The following TMPRSS9 variants were observed in gnomAD, a reference collection of about 807,000 sequenced individuals.
TMPRSS9 encodes transmembrane serine protease 9, also known as transmembrane protease serine 9.
TMPRSS9 carries 113 observed loss-of-function variants against 111.4 expected under a neutral mutation model. The ratio of observed to expected loss-of-function variants is 1.01; its 90% CI spans 0.87 to 1.19. The LOEUF (loss-of-function observed/expected upper bound fraction) is 1.19, where lower values mean the gene tolerates loss of function less well. Ranked by LOEUF, TMPRSS9 falls within the 50% of genes most tolerant of loss-of-function variation. The pLI is 0.00. For missense variants in TMPRSS9, 1,803 were observed against 1,513.1 expected (o/e 1.19, Z -3.18); for synonymous variants, 805 against 659.1 (o/e 1.22, Z -3.39).
chr19:2,409,332 C>CA (rs1262744212), intron 8 of TMPRSS9, among the ~76,000 whole-genome samples: 1 of 151,714 alleles, frequency 6.6e-6, no homozygotes, highest in African/African-American at 2.4e-5. Context: ...TTAGTAGAGA[C>CA]AAAGTTTCAC....
intron 1 of TMPRSS9, among the ~76,000 whole-genome samples, chr19:2,379,781 T>C (rs976309344): frequency 2.7e-5 from 4 of 150,882 alleles, no homozygotes; most frequent in Non-Finnish European, 5.9e-5. Context: ...CTTTCTCTCT[T>C]TCTTTCTTTT....
At chr19:2,405,506 A>G (rs202039815) in exon 7 of TMPRSS9, 1 of 1,600,588 alleles carries the variant, frequency 6.2e-7, no homozygotes, top group East Asian at 2.3e-5. Context: ...GCCATCATCA[A>G]CGCCAGGTGG....
chr19:2,418,317 C>CCTTTTCCTTT lies in TMPRSS9; in HGVS notation c.2154+180_2154+181insTTTTCCTTTC, dbSNP rs1491240884. ...TTTCCTTCCCTCCCTTTCCCTCCCT[C>CCTTTTCCTTT]CCTCCCTCCCTCCCTTTCCTTCCCT... On this transcript the variant is annotated intron_variant, in intron 13 of 17. Coordinates refer to ENST00000648592, the Ensembl canonical transcript of TMPRSS9. 1.2e-3 allele frequency among the ~76,000 whole-genome samples: 47 copies of CCTTTTCCTTT among 40,002 alleles called. 4 individuals are homozygous for CCTTTTCCTTT. Among genetic ancestry groups the CCTTTTCCTTT allele is most frequent in the South Asian group, 4.3e-3 (4 of 922 alleles). The allele number at this position is 40,002 out of a possible 152,430, so 26.2% of individuals were successfully genotyped here.
At chr19:2,408,166 G>C (rs947319519) in intron 7 of TMPRSS9, among the ~76,000 whole-genome samples, 190 bp from the exon 9 acceptor site, 1 of 151,970 alleles carries the variant, frequency 6.6e-6, no homozygotes, top group Non-Finnish European at 1.5e-5. Context: ...TGATCCTCCC[G>C]CTTCAGCCTC....
At chr19:2,405,471 G>T in exon 7 of TMPRSS9, 2 of 1,608,662 alleles carry the variant, frequency 1.2e-6, no homozygotes, top group South Asian at 2.2e-5. Context: ...GCCTTCGAGA[G>T]AACAAGGAGC....
Position 2,415,787 on chromosome 19 carries a change from G to T in TMPRSS9, c.1691G>T (p.Gly564Val). ...AAGGAAGGGTCCCGGCACTTCTGCG[G>T]AGCAACTGTGGTGGGGGACCGCTGG... Residue 564 changes from glycine to valine, a missense_variant, in exon 11 of 18, where the codon GGA becomes GTA. Coordinates refer to ENST00000648592, the Ensembl canonical transcript of TMPRSS9. 6.2e-7 allele frequency: 1 copy of T among 1,608,468 alleles called. No individual in the cohort carries two copies. Among genetic ancestry groups the T allele is most frequent in the Non-Finnish European group, 8.5e-7 (1 of 1,177,260 alleles).
At chr19:2,405,706 CTTTTTT>C (rs10608410) in intron 7 of TMPRSS9, among the ~76,000 whole-genome samples, 161 bp downstream of exon 8, 1 of 135,846 alleles carries the variant, frequency 7.4e-6, no homozygotes. Flanking sequence ...TGAGGGCATT[CTTTTTT>C]TTTTTTTTTT....
chr19:2,414,979 CTT>C (rs1390161442), intron 10 of TMPRSS9, among the ~76,000 whole-genome samples: 14 of 134,920 alleles, frequency 1.0e-4, no homozygotes, highest in African/African-American at 2.5e-4. Context: ...GAGTTTCACT[CTT>C]GTCGCCCAGG....
chr19:2,363,419 A>T (rs1020310082), intron 1 of TMPRSS9, among the ~76,000 whole-genome samples: 2 of 149,092 alleles, frequency 1.3e-5, no homozygotes, highest in Non-Finnish European at 3.0e-5. Flanking sequence ...GGCATGGTAG[A>T]TGGATCGCAG....
chr19:2,394,873 G>A (rs779777113), intron 1 of TMPRSS9, among the ~76,000 whole-genome samples: 12 of 152,218 alleles, frequency 7.9e-5, no homozygotes, highest in African/African-American at 2.4e-4. Flanking sequence ...GGTTGCTCTC[G>A]TAGTTTTTAT....
In TMPRSS9 at chr19:2,396,576, G is replaced by A. The variant is rs1485913093; in HGVS notation, c.180G>A (p.Thr60=). 11 of 1,611,000 alleles carry A rather than the reference G, an allele frequency of 6.8e-6. No homozygotes were observed. In the Admixed American group the frequency reaches 8.4e-5, roughly 12 times the overall value. The stretch of plus-strand genomic sequence containing the variant: ...CACAGGGCTTCCACGTGGACCACAC[G>A]GCCGAGCTGCGGGGAATCCGGTGGA... Residue 60 remains threonine (T), a synonymous_variant, in exon 2 of 18, where the codon ACG becomes ACA. Transcript: ENST00000648592.
intron 1 of TMPRSS9, among the ~76,000 whole-genome samples, chr19:2,363,921 C>T (rs1970227358): frequency 1.3e-5 from 2 of 151,916 alleles, no homozygotes; most frequent in South Asian, 4.2e-4. Context: ...CTGATATTAG[C>T]TGGACCTGTC....
chr19:2,423,235 G>A (rs1971506031), intron 14 of TMPRSS9, among the ~76,000 whole-genome samples: 1 of 151,800 alleles, frequency 6.6e-6, no homozygotes, highest in Non-Finnish European at 1.5e-5. Flanking sequence ...TAGCTATGGC[G>A]TGGGATCTCT....
At chr19:2,386,062 A>T (rs917893808), upstream of TMPRSS9, among the ~76,000 whole-genome samples, 9 of 151,996 alleles carry the variant, frequency 5.9e-5, no homozygotes, top group Non-Finnish European at 1.0e-4. Context: ...CTCCCACCTC[A>T]GCCTTCTGAG....
Sources: allele counts gnomAD v4.1 joint callset (sites outside exome capture counted in the v4.1 genomes callset), GRCh38; gene constraint gnomAD v4.1.1; transcripts MANE v1.5; gene names NCBI Gene and HGNC (gene_info 2026-07-23, HGNC 2026-07-21).